Variants in TM9SF2 observed in about 807,000 individuals in gnomAD.
The protein encoded by TM9SF2 is 76 kDa membrane protein.
Under a neutral mutation model 84.9 loss-of-function variants are expected in TM9SF2, and 13 were observed. The ratio of observed to expected loss-of-function variants is 0.15; its 90% CI spans 0.10 to 0.24. The LOEUF (loss-of-function observed/expected upper bound fraction) is 0.24. Among genes scored for constraint, TM9SF2 ranks in the 10% least tolerant of loss-of-function variants. The pLI is 1.00. For synonymous variants in TM9SF2, 273 were observed against 285.8 expected (o/e 0.96, Z 0.45); for missense variants, 562 against 818.5 (o/e 0.69, Z 3.82).
chr13:99,547,193 T>C, intron 11 of TM9SF2, 89 bp downstream of exon 11: 1 of 1,563,310 alleles, frequency 6.4e-7, no homozygotes, highest in East Asian at 2.3e-5. Context: ...TGGTGATGCT[T>C]TGTAAATAGT....
At chr13:99,511,393 T>C (rs2046113208) in intron 1 of TM9SF2, among the ~76,000 whole-genome samples, 1 of 152,218 alleles carries the variant, frequency 6.6e-6, no homozygotes, top group African/African-American at 2.4e-5. Flanking sequence ...GCAGTCTCAT[T>C]TCCTTTCTTC....
At chr13:99,552,591 A>ACATTCATTCATT (rs34121466) in intron 13 of TM9SF2, among the ~76,000 whole-genome samples, 1 of 151,028 alleles carries the variant, frequency 6.6e-6, no homozygotes. Flanking sequence ...ACTAATGAAA[A>ACATTCATTCATT]CATTCATTCA....
intron 3 of TM9SF2, among the ~76,000 whole-genome samples, chr13:99,524,575 A>G (rs1273764609): frequency 1.3e-5 from 2 of 152,028 alleles, no homozygotes; most frequent in African/African-American, 4.8e-5. Flanking sequence ...CACAGTATAT[A>G]TTTGAGAATC....
intron 3 of TM9SF2, among the ~76,000 whole-genome samples, chr13:99,524,718 C>T (rs2046174650): frequency 6.6e-6 from 1 of 151,704 alleles, no homozygotes; most frequent in Non-Finnish European, 1.5e-5. Flanking sequence ...TCAGGTGCCC[C>T]AAGGGCTCCT....
chr13:99,522,039 G>A (rs749720864), intron 3 of TM9SF2, among the ~76,000 whole-genome samples: 19 of 151,512 alleles, frequency 1.3e-4, no homozygotes, highest in Non-Finnish European at 2.1e-4. Context: ...TTTCTTTTTC[G>A]AGACAGAGTG....
rs753367646 is a variant in TM9SF2, at chr13:99,559,431, A to G, written c.1821A>G (p.Ala607=). Residue 607 remains alanine (A), a synonymous_variant, in exon 16 of 17, where the codon GCA becomes GCG. Transcript: ENST00000376387. ...GFTAVYFLIY[A]VHYFFSKLQI... is the part of the protein sequence containing the mutation. ...CTGCAGTTTATTTCTTAATCTATGC[A>G]GTACACTACTTCTTTTCAAAACTGC... 3.1e-6 allele frequency: 5 copies of G among 1,613,860 alleles called. No homozygotes were observed. Among genetic ancestry groups the G allele is most frequent in the Admixed American group, 3.3e-5 (2 of 59,988 alleles).
chr13:99,521,492 T>A (rs2046159927), intron 3 of TM9SF2, among the ~76,000 whole-genome samples: 1 of 152,034 alleles, frequency 6.6e-6, no homozygotes, highest in Non-Finnish European at 1.5e-5. Context: ...GGCACCCCCA[T>A]CTCCCTCGAC....
At chr13:99,518,707 T>C (rs1042636939) in intron 2 of TM9SF2, among the ~76,000 whole-genome samples, 1 of 151,614 alleles carries the variant, frequency 6.6e-6, no homozygotes, top group African/African-American at 2.4e-5. Context: ...GGTGATCCTC[T>C]CATCTCAGCC....
At chr13:99,537,529 G>A (rs1263207818) in intron 5 of TM9SF2, among the ~76,000 whole-genome samples, 1 of 152,004 alleles carries the variant, frequency 6.6e-6, no homozygotes, top group Non-Finnish European at 1.5e-5. Flanking sequence ...TAGATTTTAT[G>A]TAAAAAAACT....
At chr13:99,560,655 C>A (rs991568879) in intron 16 of TM9SF2, among the ~76,000 whole-genome samples, 7 of 152,078 alleles carry the variant, frequency 4.6e-5, no homozygotes, top group African/African-American at 1.7e-4. Flanking sequence ...GCTTAACCAT[C>A]ACCTAAATTT....
intron 15 of TM9SF2, 74 bp downstream of exon 15, chr13:99,555,721 A>G (rs2046322559): frequency 1.1e-6 from 1 of 877,082 alleles, no homozygotes; most frequent in Admixed American, 2.7e-5. Flanking sequence ...GTATATTATT[A>G]ATTAAAATAA....
intron 10 of TM9SF2, among the ~76,000 whole-genome samples, chr13:99,544,971 G>T (rs2046276812): frequency 6.6e-6 from 1 of 151,846 alleles, no homozygotes; most frequent in African/African-American, 2.4e-5. Context: ...CTGTCTTCCA[G>T]TTTCCTTAAT....
At chr13:99,557,108 A>G (rs528033293) in intron 15 of TM9SF2, among the ~76,000 whole-genome samples, 39 of 152,290 alleles carry the variant, frequency 2.6e-4, no homozygotes, top group African/African-American at 9.1e-4. Context: ...GGAACTACCA[A>G]ACTTTTCCAC....
intron 13 of TM9SF2, 112 bp from the exon 14 acceptor site, chr13:99,554,192 C>T: frequency 7.9e-7 from 1 of 1,266,080 alleles, no homozygotes; most frequent in Non-Finnish European, 1.1e-6. Flanking sequence ...GACTTTATTG[C>T]CATTAGTGAC....
At chr13:99,553,443 C>A (rs778702811) in intron 13 of TM9SF2, among the ~76,000 whole-genome samples, 1 of 152,164 alleles carries the variant, frequency 6.6e-6, no homozygotes, top group African/African-American at 2.4e-5. Flanking sequence ...TAAACAATTA[C>A]TTGAAATTCC....
rs763318562 is a variant in TM9SF2 at position 99,520,057 on chromosome 13, A to G, written c.261A>G (p.Ser87=). The change falls in exon 3 of 17, where the codon TCA becomes TCG. Residue 87 remains serine (S), a synonymous_variant. Transcript: ENST00000376387. ...EYTAFDFCQA[S]EGKRPSENLG... is the part of the protein sequence containing the mutation. ...CCAGGTTTGATTTTTGCCAAGCATC[A>G]GAAGGAAAGCGCCCATCTGAAAATC... The G allele has an allele frequency of 6.2e-7, 1 of 1,613,816 alleles. No homozygotes were observed. Among genetic ancestry groups the G allele is most frequent in the South Asian group, 1.1e-5 (1 of 90,988 alleles).
chr13:99,551,192 A>T (rs1258816168), intron 12 of TM9SF2, among the ~76,000 whole-genome samples: 1 of 152,246 alleles, frequency 6.6e-6, no homozygotes, highest in East Asian at 1.9e-4. Flanking sequence ...TGCACAATCC[A>T]TATGACAAGC....
intron 15 of TM9SF2, among the ~76,000 whole-genome samples, chr13:99,558,279 T>C (rs2046332104): frequency 1.3e-5 from 2 of 152,260 alleles, no homozygotes; most frequent in Admixed American, 1.3e-4. Context: ...TGCTCTTTTT[T>C]ATGATTGTTT....
chr13:99,548,042 G>A (rs1180845394), intron 11 of TM9SF2, among the ~76,000 whole-genome samples: 2 of 152,180 alleles, frequency 1.3e-5, no homozygotes, highest in East Asian at 3.8e-4. Context: ...AAAGGAGGTA[G>A]GATTAGGGCC....
Sources: gnomAD v4.1 joint callset for allele counts (sites outside exome capture counted in the v4.1 genomes callset) on GRCh38, gnomAD v4.1.1 for gene constraint, MANE v1.5 for transcripts, NCBI Gene and HGNC (gene_info 2026-07-23, HGNC 2026-07-21) for gene names.